The following PCDH15 variants were observed in gnomAD, a reference collection of about 807,000 sequenced individuals.
PCDH15 encodes protocadherin-15.
Under a neutral mutation model 178.5 loss-of-function variants are expected in PCDH15, and 129 were observed. The ratio of observed to expected loss-of-function variants is 0.72; its 90% CI spans 0.63 to 0.84. The LOEUF is 0.84. PCDH15 is among the 40% of genes least tolerant of loss of function. The probability of loss-of-function intolerance (pLI) is 0.00; values close to 1 mark genes in which losing one functional copy is unlikely to be tolerated. For synonymous variants in PCDH15, 800 were observed against 732.0 expected (o/e 1.09, Z -1.50); for missense variants, 2,230 against 2,099.9 (o/e 1.06, Z -1.21).
chr10:55,478,121 T>A (rs192275642), intron 2 of PCDH15, among the ~76,000 whole-genome samples: 110 of 151,700 alleles, frequency 7.3e-4, no homozygotes, highest in African/African-American at 2.5e-3. Flanking sequence ...GAGGAAATAA[T>A]AAATGTAAAA....
chr10:54,291,507 C>A (rs1196294473), intron 8 of PCDH15, among the ~76,000 whole-genome samples: 2 of 152,066 alleles, frequency 1.3e-5, no homozygotes, highest in African/African-American at 2.4e-5. Flanking sequence ...ACACAAAAAA[C>A]CCTCCAAAAA....
At chr10:55,302,200 A>G (rs931338031) in intron 1 of PCDH15, among the ~76,000 whole-genome samples, 2 of 150,950 alleles carry the variant, frequency 1.3e-5, no homozygotes, top group African/African-American at 4.9e-5. Flanking sequence ...CATAATTACC[A>G]TGCTGAATAT....
At chr10:55,111,712 G>A (rs893412464) in intron 2 of PCDH15, among the ~76,000 whole-genome samples, 7 of 151,962 alleles carry the variant, frequency 4.6e-5, no homozygotes, top group African/African-American at 1.7e-4. Context: ...GCGTGGTGGT[G>A]CATGCCTGTA....
chr10:54,714,366 G>A lies in PCDH15; in HGVS notation c.-28-50076C>T, dbSNP rs924862227. Among the ~76,000 whole-genome samples the A allele has an allele frequency of 7.9e-5, 12 of 152,094 alleles. 1 individual carries two copies. Among genetic ancestry groups the A allele is most frequent in the South Asian group, 2.1e-4 (1 of 4,830 alleles). ...TATGAAATAATAGAACTTACAGCACGTATTCAGATTGTATTTGTGTCCAGT... is the reference window on the plus strand; with the variant it reads ...TATGAAATAATAGAACTTACAGCACATATTCAGATTGTATTTGTGTCCAGT... On this transcript the variant is annotated intron_variant, in intron 1 of 37. Coordinates refer to ENST00000644397, the MANE Select transcript of PCDH15 (RefSeq NM_001384140.1).
At chr10:55,024,247 A>G (rs1840418577) in intron 2 of PCDH15, among the ~76,000 whole-genome samples, 1 of 147,704 alleles carries the variant, frequency 6.8e-6, no homozygotes, top group Non-Finnish European at 1.5e-5. Flanking sequence ...TCAGATATGT[A>G]TCTGTGTACA....
intron 2 of PCDH15, among the ~76,000 whole-genome samples, chr10:54,947,614 C>T (rs1384912787): frequency 6.6e-6 from 1 of 151,692 alleles, no homozygotes; most frequent in Non-Finnish European, 1.5e-5. Flanking sequence ...TGTGTGTGTG[C>T]ACATGTGTGT....
At chr10:55,510,249 A>AT (rs1840849923) in intron 2 of PCDH15, among the ~76,000 whole-genome samples, 1 of 151,900 alleles carries the variant, frequency 6.6e-6, no homozygotes. Context: ...AAAAAGACAA[A>AT]TTTTTTCTTC....
chr10:55,054,542 C>G, intron 2 of PCDH15, among the ~76,000 whole-genome samples: 1 of 152,208 alleles, frequency 6.6e-6, no homozygotes, highest in Middle Eastern at 3.4e-3. Flanking sequence ...GATATATACC[C>G]AGAAATGGGA....
chr10:55,601,628 G>A (rs1348413623), intron 2 of PCDH15, among the ~76,000 whole-genome samples: 1 of 152,010 alleles, frequency 6.6e-6, no homozygotes, highest in Non-Finnish European at 1.5e-5. Context: ...TTATGACAAT[G>A]ATATAAAGAA....
At chr10:54,166,005 G>A (rs1396484553) in intron 13 of PCDH15, among the ~76,000 whole-genome samples, 3 of 152,086 alleles carry the variant, frequency 2.0e-5, no homozygotes, top group Non-Finnish European at 4.4e-5. Context: ...CATGACAAAG[G>A]GGCTGGGAGA....
intron 25 of PCDH15, among the ~76,000 whole-genome samples, chr10:53,921,565 A>G (rs1371978947): frequency 3.9e-5 from 6 of 152,108 alleles, no homozygotes; most frequent in Non-Finnish European, 5.9e-5. Context: ...AGCCAGGCCA[A>G]TCAGATTCTC....
chr10:54,721,483 A>G (rs1419020514), intron 1 of PCDH15, among the ~76,000 whole-genome samples: 2 of 151,946 alleles, frequency 1.3e-5, no homozygotes, highest in African/African-American at 4.8e-5. Context: ...TGCTAGTTAA[A>G]TTAACCAAGG....
Position 54,721,415 on chromosome 10 carries a change from T to C in PCDH15, c.-28-57125A>G, listed in dbSNP as rs1200621274. ...CTAAATGAGATCAAGACCAAATAAA[T>C]AACAAAAAGGACCAATTAACAGCTA... On this transcript the variant is annotated intron_variant, in intron 1 of 37. Transcript: ENST00000644397. 2.0e-5 allele frequency among the ~76,000 whole-genome samples: 3 copies of C among 151,060 alleles called. No homozygotes were observed. The East Asian group carries it at 5.9e-4, about 30-fold the overall frequency.
intron 2 of PCDH15, among the ~76,000 whole-genome samples, chr10:54,616,818 T>C (rs550398938): frequency 1.3e-5 from 2 of 152,180 alleles, no homozygotes; most frequent in African/African-American, 4.8e-5. Context: ...TTTATTGCAT[T>C]ATATATTCTT....
chr10:54,594,143 T>C (rs12243570), intron 2 of PCDH15, among the ~76,000 whole-genome samples: 2,674 of 152,144 alleles, frequency 0.018, 79 homozygotes, highest in African/African-American at 0.062. Flanking sequence ...CATGAGCCTC[T>C]GGAATCATAG....
At chr10:54,600,277 G>T in intron 2 of PCDH15, 1 of 545,042 alleles carries the variant, frequency 1.8e-6, no homozygotes. Context: ...GGAGGAAATG[G>T]GGAATGAGAA....
chr10:54,625,588 C>T (rs2093522007), intron 2 of PCDH15, among the ~76,000 whole-genome samples: 1 of 152,122 alleles, frequency 6.6e-6, no homozygotes, highest in African/African-American at 2.4e-5. Flanking sequence ...TGCTGCCATC[C>T]ATGTAAGATG....
rs540063080 is a variant in PCDH15 at position 55,549,776 on chromosome 10, C to A, written c.-156+77849G>T. 3.2e-4 allele frequency among the ~76,000 whole-genome samples: 48 copies of A among 152,190 alleles called. 1 individual carries two copies. The South Asian group carries it at 9.5e-3, about 30-fold the overall frequency. ...AGTAGGGACTTAGGTCCTGTTTTGTCACTAATGTTGTCAGTAGAGGAAATA... is the reference window on the plus strand; with the variant it reads ...AGTAGGGACTTAGGTCCTGTTTTGTAACTAATGTTGTCAGTAGAGGAAATA... On this transcript the variant is annotated intron_variant, in intron 2 of 5. Transcript: ENST00000613346.
chr10:54,130,626 G>A lies in PCDH15; in HGVS notation c.1917+2249C>T, dbSNP rs561234880. Among the ~76,000 whole-genome samples, 9 of 151,748 alleles carry A rather than the reference G, an allele frequency of 5.9e-5. No individual in the cohort carries two copies. The South Asian group carries it at 1.5e-3, about 24-fold the overall frequency. On this transcript the variant is annotated intron_variant, in intron 15 of 37. Coordinates refer to ENST00000644397, the MANE Select transcript of PCDH15 (RefSeq NM_001384140.1). The stretch of plus-strand genomic sequence containing the variant: ...AGGCCCGTTCTTAAAAGGGGAAGTG[G>A]GAGGAGGGGAAACAAGAATTGTTGC...
Sources: gnomAD v4.1 joint callset for allele counts (sites outside exome capture counted in the v4.1 genomes callset) on GRCh38, gnomAD v4.1.1 for gene constraint, MANE v1.5 for transcripts, NCBI Gene and HGNC (gene_info 2026-07-23, HGNC 2026-07-21) for gene names.